Variants in TOM1L2 observed in about 807,000 individuals in gnomAD.
The protein encoded by TOM1L2 is TOM1-like protein 2.
TOM1L2 carries 31 observed loss-of-function variants against 67.9 expected under a neutral mutation model. That is an observed-to-expected ratio of 0.46 (90% CI 0.34 to 0.62). The LOEUF (loss-of-function observed/expected upper bound fraction) is 0.62. TOM1L2 is among the 20% of genes least tolerant of loss of function. The pLI is 0.01. For missense variants in TOM1L2, 606 were observed against 663.5 expected, an observed-to-expected ratio of 0.91 and a Z score of 0.95; for synonymous variants, 256 against 254.0, an observed-to-expected ratio of 1.01 and a Z score of -0.07.
chr17:17,887,600 A>G (rs1342479585), intron 4 of TOM1L2, among the ~76,000 whole-genome samples: 2 of 152,152 alleles, frequency 1.3e-5, no homozygotes, highest in Non-Finnish European at 2.9e-5. Flanking sequence ...TTTAGCCTCC[A>G]GAGTAGCTGG....
At chr17:17,853,617 A>T (rs2036111695) in intron 12 of TOM1L2, among the ~76,000 whole-genome samples, 1 of 152,164 alleles carries the variant, frequency 6.6e-6, no homozygotes, top group Non-Finnish European at 1.5e-5. Context: ...TTTCCAAATA[A>T]GTAGTATGTT....
intron 1 of TOM1L2, among the ~76,000 whole-genome samples, chr17:17,913,391 G>A (rs1225620228): frequency 1.3e-5 from 2 of 151,994 alleles, no homozygotes; most frequent in Non-Finnish European, 2.9e-5. Flanking sequence ...GCTCCATGGA[G>A]CAGATGCCGG....
At chr17:17,900,150 T>A (rs182272066) in intron 2 of TOM1L2, among the ~76,000 whole-genome samples, 3 of 151,802 alleles carry the variant, frequency 2.0e-5, no homozygotes, top group Admixed American at 6.6e-5. Flanking sequence ...GAGACGGAGG[T>A]TGCAGTGAGC....
chr17:17,962,351 C>T (rs543598559), intron 1 of TOM1L2, among the ~76,000 whole-genome samples: 3 of 150,952 alleles, frequency 2.0e-5, no homozygotes, highest in South Asian at 2.1e-4. Context: ...GATGGAGTCT[C>T]GCTCTGTCAC....
chr17:17,949,297 G>T (rs1308093964), intron 1 of TOM1L2, among the ~76,000 whole-genome samples: 1 of 152,190 alleles, frequency 6.6e-6, no homozygotes, highest in Non-Finnish European at 1.5e-5. Flanking sequence ...CGACATTACT[G>T]AACATCTAGC....
chr17:17,930,693 G>A (rs1226948737), intron 1 of TOM1L2, among the ~76,000 whole-genome samples: 1 of 152,134 alleles, frequency 6.6e-6, no homozygotes, highest in African/African-American at 2.4e-5. Context: ...GGTAATTTTA[G>A]TAATAATTTA....
intron 1 of TOM1L2, among the ~76,000 whole-genome samples, chr17:17,939,827 G>C (rs1180116930): frequency 6.6e-6 from 1 of 152,178 alleles, no homozygotes. Flanking sequence ...AAACACATTT[G>C]TTGAGTCCCC....
chr17:17,910,218 A>T (rs1469638161), intron 1 of TOM1L2, among the ~76,000 whole-genome samples: 1 of 152,172 alleles, frequency 6.6e-6, no homozygotes. Flanking sequence ...GGCCCGCAGA[A>T]GAAAAGGGAA....
intron 8 of TOM1L2, 79 bp from the exon 9 acceptor site, chr17:17,867,003 G>T: frequency 7.2e-7 from 1 of 1,396,468 alleles, no homozygotes. Flanking sequence ...CTAGTCCTAT[G>T]AAGAATCCCT....
intron 14 of TOM1L2, among the ~76,000 whole-genome samples, chr17:17,848,409 A>G (rs1345337866): frequency 6.6e-6 from 1 of 152,112 alleles, no homozygotes; most frequent in Admixed American, 6.5e-5. Context: ...TGGGAGAACT[A>G]AGACCCCGCT....
At chr17:17,876,427 A>C (rs1051556639) in intron 7 of TOM1L2, among the ~76,000 whole-genome samples, 6 of 152,162 alleles carry the variant, frequency 3.9e-5, no homozygotes, top group Non-Finnish European at 7.3e-5. Context: ...CCATGTGGAG[A>C]CTGTGCAGTG....
At chr17:17,967,398 G>A (rs1940665886) in intron 1 of TOM1L2, among the ~76,000 whole-genome samples, 1 of 152,224 alleles carries the variant, frequency 6.6e-6, no homozygotes, top group Non-Finnish European at 1.5e-5. Context: ...GCCAACACAA[G>A]GAAAACTGCA....
chr17:17,944,320 C>T (rs1163488107), intron 1 of TOM1L2, among the ~76,000 whole-genome samples: 2 of 152,252 alleles, frequency 1.3e-5, no homozygotes, highest in African/African-American at 4.8e-5. Context: ...TTGGCTGAGG[C>T]AGCCTTGCTG....
intron 1 of TOM1L2, among the ~76,000 whole-genome samples, chr17:17,956,788 C>A (rs1402785895): frequency 6.6e-6 from 1 of 152,244 alleles, no homozygotes; most frequent in African/African-American, 2.4e-5. Flanking sequence ...TGAGCTCACG[C>A]CCACCCAGAA....
chr17:17,887,569 G>A (rs2038063144), intron 4 of TOM1L2, among the ~76,000 whole-genome samples: 1 of 152,146 alleles, frequency 6.6e-6, no homozygotes, highest in Non-Finnish European at 1.5e-5. Flanking sequence ...CTCTGCCTCC[G>A]GGCTCAAGCA....
At chr17:17,884,810 T>C (rs1269581289) in intron 4 of TOM1L2, 42 bp from the exon 5 acceptor site, 44 of 1,609,882 alleles carry the variant, frequency 2.7e-5, no homozygotes, top group Non-Finnish European at 3.5e-5. Flanking sequence ...TTCTCAGAGC[T>C]GCCATGGTAT....
chr17:17,866,374 C>A lies in TOM1L2; in HGVS notation c.1006G>T (p.Gly336Trp). ...TEDNLIDLGP[G>W]SPAVVSPMVG... The stretch of plus-strand genomic sequence containing the variant: ...ATTGGGCTCACCACGGCTGGAGACC[C>A]TGGCCCCAGGTCTATTAAGTTGTCT... Residue 336 changes from glycine to tryptophan, a missense_variant, in exon 10 of 15, where the codon GGG becomes TGG. Around this residue, in one of 2 missense-constraint regions of TOM1L2, gnomAD observed 543 missense variants for 554.0 expected, o/e 0.98. Transcript: ENST00000379504. The A allele has an allele frequency of 6.2e-7, 1 of 1,608,460 alleles. No homozygotes were observed. Among genetic ancestry groups the A allele is most frequent in the Non-Finnish European group, 8.5e-7 (1 of 1,177,138 alleles).
At chr17:17,847,823 G>GC (rs745485659) in intron 14 of TOM1L2, 40 bp from the exon 15 acceptor site, 1 of 1,612,870 alleles carries the variant, frequency 6.2e-7, no homozygotes, top group East Asian at 2.2e-5. Flanking sequence ...GTTGGTGAGG[G>GC]CAGGCCACCA....
intron 7 of TOM1L2, among the ~76,000 whole-genome samples, chr17:17,875,609 T>C (rs1325787713): frequency 1.3e-5 from 2 of 152,248 alleles, no homozygotes; most frequent in African/African-American, 4.8e-5. Context: ...GAACAGCTGG[T>C]CACTTGTACA....
Sources: gnomAD v4.1 joint callset for allele counts (sites outside exome capture counted in the v4.1 genomes callset) on GRCh38, gnomAD v4.1.1 for gene constraint, gnomAD v4.1.1 regional missense constraint, MANE v1.5 for transcripts, NCBI Gene and HGNC (gene_info 2026-07-23, HGNC 2026-07-21) for gene names.